The following CDH2 variants were observed in gnomAD, a reference collection of about 807,000 sequenced individuals.
The protein encoded by CDH2 is cadherin 2, also known as cadherin-2.
A neutral mutation model predicts 92.0 loss-of-function variants in CDH2; 17 were observed. The ratio of observed to expected loss-of-function variants is 0.18; its 90% confidence interval spans 0.13 to 0.28. The LOEUF is 0.28. CDH2 is among the 10% of genes least tolerant of loss of function. The probability of loss-of-function intolerance (pLI) is 1.00; values close to 1 mark genes in which losing one functional copy is unlikely to be tolerated. For missense variants in CDH2, 862 were observed against 1,133.1 expected (o/e 0.76, Z 3.44); for synonymous variants, 419 against 415.9 (o/e 1.01, Z -0.09).
intron 8 of CDH2, 136 bp from the exon 9 acceptor site, chr18:27,992,976 C>T (rs916264730): frequency 5.6e-6 from 3 of 536,510 alleles, no homozygotes; most frequent in Non-Finnish European, 9.7e-6. Flanking sequence ...ACTGATAATG[C>T]AGGTAATCAC....
At chr18:28,115,739 T>C in intron 2 of CDH2, among the ~76,000 whole-genome samples, 1 of 152,176 alleles carries the variant, frequency 6.6e-6, no homozygotes, top group East Asian at 1.9e-4. Context: ...AACATGTCTA[T>C]GTGAATTTTA....
At chr18:27,969,454 G>A (rs1448683122) in intron 14 of CDH2, among the ~76,000 whole-genome samples, 7 of 152,154 alleles carry the variant, frequency 4.6e-5, no homozygotes, top group Non-Finnish European at 8.8e-5. Flanking sequence ...ATGAGCTATA[G>A]GTTCACTCTT....
At position 28,011,749 on chromosome 18, in the gene CDH2, A is replaced by T. The variant is rs939350908; in HGVS notation, c.546+97T>A. 1.2e-5 allele frequency: 14 copies of T among 1,151,106 alleles called. No homozygotes were observed. The East Asian group carries it at 3.1e-4, about 25-fold the overall frequency. 71.3% of individuals were successfully genotyped at this position (1,151,106 alleles called of 1,614,324 possible). A position where few individuals can be genotyped will look rare whatever the true frequency, so the allele number is the denominator to read the frequency against. On this transcript the variant is annotated intron_variant, in intron 4 of 15. Transcript: ENST00000269141. ...ATAGAAAAACACTTTTAGTATATACATGTCATAAATTCTACTTTGTAAAAA... is the reference window on the plus strand; with the variant it reads ...ATAGAAAAACACTTTTAGTATATACTTGTCATAAATTCTACTTTGTAAAAA...
Position 28,018,814 on chromosome 18 carries a change from C to T in CDH2, c.173-4905G>A, listed in dbSNP as rs113579872. On this transcript the variant is annotated intron_variant, in intron 2 of 15. Coordinates refer to ENST00000269141, the MANE Select transcript of CDH2 (RefSeq NM_001792.5). Reference sequence around the variant, plus strand: ...ACTATGTGATCCAGCAAATCCACTTCTGAGTATCTACCCAGAGGAAAAGAA... The same window carrying T: ...ACTATGTGATCCAGCAAATCCACTTTTGAGTATCTACCCAGAGGAAAAGAA... 2.8e-3 allele frequency among the ~76,000 whole-genome samples: 417 copies of T among 151,492 alleles called. 3 individuals are homozygous for T. The highest frequency in any genetic ancestry group is 9.7e-3 in the African/African-American group (402 of 41,326).
intron 2 of CDH2, among the ~76,000 whole-genome samples, chr18:28,140,862 A>G (rs2015941331): frequency 6.7e-6 from 1 of 149,026 alleles, no homozygotes; most frequent in South Asian, 2.1e-4. Flanking sequence ...TAAAAAGCTA[A>G]CAAACAATTT....
intron 2 of CDH2, among the ~76,000 whole-genome samples, chr18:28,016,376 T>A (rs551009449): frequency 6.6e-6 from 1 of 152,188 alleles, no homozygotes; most frequent in South Asian, 2.1e-4. Flanking sequence ...TTTCAAAAAG[T>A]AGGAAACAGA....
intron 14 of CDH2, among the ~76,000 whole-genome samples, chr18:27,982,077 T>C (rs752184148): frequency 1.2e-4 from 19 of 152,148 alleles, no homozygotes; most frequent in Non-Finnish European, 2.4e-4. Flanking sequence ...AATCTAACCA[T>C]CCTTAACTTG....
intron 2 of CDH2, among the ~76,000 whole-genome samples, chr18:28,142,774 T>C (rs2015975395): frequency 6.6e-6 from 1 of 151,950 alleles, no homozygotes; most frequent in Admixed American, 6.6e-5. Flanking sequence ...GCCTTACAAA[T>C]ATTTTAAAAC....
At chr18:28,011,091 G>A (rs1035633964) in intron 4 of CDH2, among the ~76,000 whole-genome samples, 12 of 151,146 alleles carry the variant, frequency 7.9e-5, no homozygotes, top group African/African-American at 1.2e-4. Context: ...ATTTTAAAGC[G>A]GCTTATTTTA....
intron 2 of CDH2, among the ~76,000 whole-genome samples, chr18:28,133,716 G>C (rs2015813917): frequency 6.6e-6 from 1 of 151,768 alleles, no homozygotes. Context: ...TCATATGCTA[G>C]CTCTTAACAA....
intron 7 of CDH2, among the ~76,000 whole-genome samples, chr18:27,999,020 C>T (rs1460344653): frequency 2.0e-5 from 3 of 152,192 alleles, no homozygotes; most frequent in African/African-American, 2.4e-5. Context: ...GATATACTTT[C>T]TGTGTAACAC....
At chr18:27,981,445 C>T (rs538233786) in intron 14 of CDH2, among the ~76,000 whole-genome samples, 16 of 152,304 alleles carry the variant, frequency 1.1e-4, no homozygotes, top group Non-Finnish European at 8.8e-5. Flanking sequence ...CAGCTTTACA[C>T]ATGAGTCAAG....
chr18:28,043,467 T>TATATATATATATATATATATATATAA (rs2013995052), intron 2 of CDH2, among the ~76,000 whole-genome samples: 6 of 59,630 alleles, frequency 1.0e-4, no homozygotes, highest in East Asian at 5.2e-4. Context: ...AATAAATATA[T>TATATATATATATATATATATATATAA]ATATATATAT....
At chr18:27,996,806 T>C (rs761415504) in intron 7 of CDH2, among the ~76,000 whole-genome samples, 5 of 152,208 alleles carry the variant, frequency 3.3e-5, no homozygotes, top group Non-Finnish European at 7.3e-5. Flanking sequence ...TAAGAAACCT[T>C]GGGTTTTGCA....
chr18:28,147,526 CTAAAA>C, intron 2 of CDH2, 142 bp downstream of exon 2: 2 of 466,252 alleles, frequency 4.3e-6, no homozygotes, highest in Non-Finnish European at 7.5e-6. Flanking sequence ...TTCTGTAATC[CTAAAA>C]TAAAGTCCCT....
At chr18:28,093,239 A>G (rs1351368721) in intron 2 of CDH2, among the ~76,000 whole-genome samples, 1 of 152,226 alleles carries the variant, frequency 6.6e-6, no homozygotes, top group Non-Finnish European at 1.5e-5. Flanking sequence ...AAAATCTGGC[A>G]TTTCAGAGAG....
intron 2 of CDH2, among the ~76,000 whole-genome samples, chr18:28,138,304 G>A (rs2015897875): frequency 6.6e-6 from 1 of 152,014 alleles, no homozygotes; most frequent in African/African-American, 2.4e-5. Context: ...TAAGCAGTTT[G>A]TCTGAAAAAA....
At chr18:28,008,705 C>T (rs2013012002) in intron 5 of CDH2, among the ~76,000 whole-genome samples, 1 of 151,342 alleles carries the variant, frequency 6.6e-6, no homozygotes, top group Non-Finnish European at 1.5e-5. Context: ...GACAAACCTG[C>T]ACGTTGTGCA....
intron 14 of CDH2, among the ~76,000 whole-genome samples, chr18:27,965,333 G>A (rs779378526): frequency 6.6e-6 from 1 of 152,220 alleles, no homozygotes; most frequent in Non-Finnish European, 1.5e-5. Flanking sequence ...TCTTAGGTGT[G>A]TGCAATGTGA....
Sources: gnomAD v4.1 joint callset for allele counts (sites outside exome capture counted in the v4.1 genomes callset) on GRCh38, gnomAD v4.1.1 for gene constraint, MANE v1.5 for transcripts, NCBI Gene and HGNC (gene_info 2026-07-23, HGNC 2026-07-21) for gene names.